The following CDAN1 variants were observed in gnomAD, a reference collection of about 807,000 sequenced individuals.
The protein encoded by CDAN1 is codanin-1.
Under a neutral mutation model 139.8 loss-of-function variants are expected in CDAN1, and 107 were observed. That is an observed-to-expected ratio of 0.77 (90% CI 0.65 to 0.90). The LOEUF (loss-of-function observed/expected upper bound fraction) is 0.90, where lower values mean the gene tolerates loss of function less well. Among genes scored for constraint, CDAN1 ranks in the 40% least tolerant of loss-of-function variants. CDAN1 has a pLI of 0.00. For missense variants in CDAN1, 1,667 were observed against 1,575.7 expected (o/e 1.06, Z -0.98); for synonymous variants, 776 against 660.6 (o/e 1.17, Z -2.68).
At chr15:42,734,424 G>C in intron 6 of CDAN1, 78 bp from the exon 7 acceptor site, 1 of 1,572,986 alleles carries the variant, frequency 6.4e-7, no homozygotes, top group Non-Finnish European at 8.7e-7. Context: ...ACACCACAGA[G>C]GATCTCTAAG....
In CDAN1 at chr15:42,735,144, G is replaced by A. The variant is rs543848693; in HGVS notation, c.1092C>T (p.His364=). 1.9e-5 allele frequency: 30 copies of A among 1,613,914 alleles called. No individual in the cohort carries two copies. Among genetic ancestry groups the A allele is most frequent in the East Asian group, 4.5e-5 (2 of 44,872 alleles). Residue 364 remains histidine (H), a synonymous_variant, in exon 6 of 28, where the codon CAC becomes CAT. Transcript: ENST00000356231. The stretch of plus-strand genomic sequence containing the variant: ...CCTGCACTGCAAAGAAGACACAATC[G>A]TGGATGCTTTGGAACAGTGGACTTT... The part of the protein sequence containing the change: ...SLESPLFQSI[H]DCVFFAVQVL...
chr15:42,725,762 G>A (rs771302774), intron 25 of CDAN1, 92 bp from the exon 26 acceptor site: 10 of 1,350,462 alleles, frequency 7.4e-6, no homozygotes, highest in Admixed American at 1.9e-5. Flanking sequence ...GGAGGCTGAG[G>A]TGGGCAGATC....
chr15:42,725,796 A>C (rs1332854920), intron 25 of CDAN1, 126 bp from the exon 26 acceptor site: 3 of 932,122 alleles, frequency 3.2e-6, no homozygotes, highest in Non-Finnish European at 4.9e-6. Context: ...CAGTCTGGCC[A>C]ACATAGTGAA....
In CDAN1 at chr15:42,729,476, A is replaced by G. The variant is rs992215691; in HGVS notation, c.2407+92T>C. The G allele has an allele frequency of 5.6e-6, 9 of 1,600,470 alleles. No homozygotes were observed. The African/African-American group carries it at 1.2e-4, about 21-fold the overall frequency. ...GATACCCAGGAATGACTATGAACGGAGCAATATCCAAGGGAGCTGGGCCAA... is the reference window on the plus strand; with the variant it reads ...GATACCCAGGAATGACTATGAACGGGGCAATATCCAAGGGAGCTGGGCCAA... On this transcript the variant is annotated intron_variant, in intron 17 of 27. Transcript: ENST00000356231.
At position 42,736,098 on chromosome 15, in the gene CDAN1, GTTTT is replaced by G; in HGVS notation, c.570-24_570-21del. ...TTCGTCCTGCTGAGAGTAGCCACAG[GTTTT>G]TCTCAAATTCCTATCTTCAAACATC... On this transcript the variant is annotated intron_variant, in intron 2 of 27. Transcript: ENST00000356231. The G allele has an allele frequency of 6.2e-7, 1 of 1,613,200 alleles. No individual in the cohort carries two copies.
chr15:42,730,537 G>T, intron 14 of CDAN1, 61 bp downstream of exon 14: 1 of 1,585,456 alleles, frequency 6.3e-7, no homozygotes, highest in South Asian at 1.1e-5. Flanking sequence ...ATTAATAGCA[G>T]GCTTGACCAA....
At chr15:42,733,884 A>G (rs969393175) in intron 8 of CDAN1, 54 bp downstream of exon 8, 25 of 1,316,212 alleles carry the variant, frequency 1.9e-5, no homozygotes, top group Non-Finnish European at 2.5e-5. Flanking sequence ...ACAGCTGCCT[A>G]TTCCAGAAAA....
At position 42,730,659 on chromosome 15, in the gene CDAN1, G is replaced by A. The variant is rs2061598693; in HGVS notation, c.2113C>T (p.His705Tyr). ...TAATATTCCAGCAAGGGAACAACAT[G>A]GTCAGCAAAGGAGAGAAACTCCACC... Reference protein sequence around the residue: ...WLVEFLSFADHVVPLLEYYRD... With the variant: ...WLVEFLSFADYVVPLLEYYRD... Residue 705 changes from histidine (H) to tyrosine (Y), a missense_variant, in exon 14 of 28, where the codon CAT becomes TAT. Around this residue, in one of 3 missense-constraint regions of CDAN1, gnomAD observed 936 missense variants for 844.1 expected, o/e 1.11. Transcript: ENST00000356231. 1 of 1,614,158 alleles carries A rather than the reference G, an allele frequency of 6.2e-7. No homozygotes were observed. Among genetic ancestry groups the A allele is most frequent in the East Asian group, 2.2e-5 (1 of 44,884 alleles).
In CDAN1 at chr15:42,728,733, C is replaced by T. The variant is rs772114815; in HGVS notation, c.2723G>A (p.Gly908Glu). The change falls in exon 20 of 28, where the codon GGG (glycine) becomes GAG (glutamate). Residue 908 changes from glycine (G) to glutamate (E), a missense_variant. Physicochemically the swap from Gly to Glu is moderately conservative, Grantham distance 98 (BLOSUM62 -2). Around this residue, in one of 3 missense-constraint regions of CDAN1, gnomAD observed 936 missense variants for 844.1 expected, o/e 1.11. Coordinates refer to ENST00000356231, the MANE Select transcript of CDAN1 (RefSeq NM_138477.4). ...QEQLVTQGEE[G>E]GDPAQLLEIL... ...CTCCAACAGCTGGGCTGGGTCTCCC[C>T]CTTCCTCTCCCTGTGTCACCAGCTG... 2.6e-5 allele frequency: 42 copies of T among 1,614,098 alleles called. No individual in the cohort carries two copies. The highest frequency in any genetic ancestry group is 3.3e-5 in the Non-Finnish European group (39 of 1,180,052).
At chr15:42,733,013 C>CGGGG in intron 9 of CDAN1, 84 bp downstream of exon 9, 1 of 1,079,742 alleles carries the variant, frequency 9.3e-7, no homozygotes, top group Non-Finnish European at 1.4e-6. Flanking sequence ...CGGGGAAAAC[C>CGGGG]TTCCCTCCTC....
chr15:42,727,813 C>T (rs765345774), intron 22 of CDAN1, 44 bp from the exon 23 acceptor site: 1 of 1,612,166 alleles, frequency 6.2e-7, no homozygotes, highest in South Asian at 1.1e-5. Context: ...CGGGAGGGCC[C>T]TGCACAGGTT....
Position 42,724,449 on chromosome 15 carries a change from A to G in CDAN1, c.*42T>C, listed in dbSNP as rs1281234307. The stretch of plus-strand genomic sequence containing the variant: ...GGGCCTCCTCGTGAGGCGGGGGTCC[A>G]GGGTTCTGGTGCAATGCCCAAGGCA... On this transcript the variant is annotated 3_prime_UTR_variant, in exon 28 of 28. Transcript: ENST00000356231. 2 of 1,564,106 alleles carry G rather than the reference A, an allele frequency of 1.3e-6. No individual in the cohort carries two copies. The highest frequency in any genetic ancestry group is 8.7e-7 in the Non-Finnish European group (1 of 1,154,064).
In CDAN1 at chr15:42,735,511, A is replaced by G. The variant is rs550223257; in HGVS notation, c.942T>C (p.Ala314=). 79 of 1,614,204 alleles carry G rather than the reference A, an allele frequency of 4.9e-5. No individual in the cohort carries two copies. In the East Asian group the frequency reaches 1.6e-3, roughly 33 times the overall value. Reference sequence around the variant, plus strand: ...CCCGCTCCCTCCGCTCTCACTCACCAGCAATGCACGAGGAGTAAACAAGGG... The same window carrying G: ...CCCGCTCCCTCCGCTCTCACTCACCGGCAATGCACGAGGAGTAAACAAGGG... The part of the protein sequence containing the change: ...LVALVYSSCI[A]ENLVPNLFLE... Residue 314 remains alanine (A), a splice_region_variant and synonymous_variant, in exon 4 of 28, where the codon GCT becomes GCC. Transcript: ENST00000356231.
In CDAN1 at chr15:42,735,580, T is replaced by G. The variant is rs1462578991; in HGVS notation, c.873A>C (p.Ala291=). 6.2e-7 allele frequency: 1 copy of G among 1,614,230 alleles called. No individual in the cohort carries two copies. ...SRTGSLTDEP[A]DPARVSSRQR... is the part of the protein sequence containing the mutation. ...GGCGGGAAGACACTCTGGCAGGGTCTGCAGGTTCATCTGTGAGGCTTCCTG... is the reference window on the plus strand; with the variant it reads ...GGCGGGAAGACACTCTGGCAGGGTCGGCAGGTTCATCTGTGAGGCTTCCTG... Residue 291 remains alanine, a synonymous_variant, in exon 4 of 28, where the codon GCA becomes GCC. Transcript: ENST00000356231.
In CDAN1 at chr15:42,731,304, G is replaced by C; in HGVS notation, c.1767C>G (p.Asp589Glu). Residue 589 changes from aspartate to glutamate, a missense_variant, in exon 12 of 28, where the codon GAC (aspartate) becomes GAG (glutamate). Asp to Glu is a conservative substitution (Grantham distance 45). Around this residue, in one of 3 missense-constraint regions of CDAN1, gnomAD observed 936 missense variants for 844.1 expected, o/e 1.11. Coordinates refer to ENST00000356231, the MANE Select transcript of CDAN1 (RefSeq NM_138477.4). ...SSFQFNQHLM[D>E]SLSLKIQELN... ...GCTCCTGGATCTTCAAGCTCAGACT[G>C]TCCATGAGATGCTGGTTAAACTGGA... 1.2e-6 allele frequency: 2 copies of C among 1,614,100 alleles called. No homozygotes were observed. Among genetic ancestry groups the C allele is most frequent in the Non-Finnish European group, 1.7e-6 (2 of 1,180,022 alleles).
Position 42,728,882 on chromosome 15 carries a change from T to A in CDAN1, c.2646-72A>T, listed in dbSNP as rs1356111385. On this transcript the variant is annotated intron_variant, in intron 19 of 27. Transcript: ENST00000356231. ...AAAGAGGCTGAAAATTTATGGGAAT[T>A]TGGTCAGAAATTTGCTTCAAAATGT... 1.9e-6 allele frequency: 3 copies of A among 1,607,430 alleles called. No individual in the cohort carries two copies. In the African/African-American group the frequency reaches 4.0e-5, roughly 21 times the overall value.
At position 42,733,148 on chromosome 15, in the gene CDAN1, T is replaced by G. The variant is rs1323285022; in HGVS notation, c.1406A>C (p.His469Pro). The change falls in exon 9 of 28, where the codon CAC (histidine) becomes CCC (proline). Residue 469 changes from histidine to proline, a missense_variant. Coordinates refer to ENST00000356231, the MANE Select transcript of CDAN1 (RefSeq NM_138477.4). The stretch of plus-strand genomic sequence containing the variant: ...AAAATCCCAGCCAGGCTCCTCATGG[T>G]GATCTTCCCACTCTCGCAGCACCTC... ...FYEVLREWED[H>P]HEEPGWDFEK... 6 of 1,613,978 alleles carry G rather than the reference T, an allele frequency of 3.7e-6. No individual in the cohort carries two copies.
At position 42,732,359 on chromosome 15, in the gene CDAN1, G is replaced by T. The variant is rs748862062; in HGVS notation, c.1507C>A (p.Arg503=). The T allele has an allele frequency of 6.8e-6, 11 of 1,613,890 alleles. No individual in the cohort carries two copies. Among genetic ancestry groups the T allele is most frequent in the Non-Finnish European group, 9.3e-6 (11 of 1,179,974 alleles). ...TGGAGTAGTTGTTTTTGGAAAAGCCGAACAAAGTGGCTGTGGCTGCAGGCT... is the reference window on the plus strand; with the variant it reads ...TGGAGTAGTTGTTTTTGGAAAAGCCTAACAAAGTGGCTGTGGCTGCAGGCT... ...SAACSHSHFV[R]LFQKQLLQMC... Residue 503 remains arginine, a synonymous_variant, in exon 10 of 28, where the codon CGG becomes AGG. Coordinates refer to ENST00000356231, the MANE Select transcript of CDAN1 (RefSeq NM_138477.4).
intron 8 of CDAN1, 80 bp downstream of exon 8, chr15:42,733,858 A>AT: frequency 9.0e-7 from 1 of 1,116,440 alleles, no homozygotes; most frequent in Non-Finnish European, 1.4e-6. Context: ...CAAACTCCTA[A>AT]TTTCTATGAA....
Sources: allele counts gnomAD v4.1 joint callset, GRCh38; gene constraint gnomAD v4.1.1; regional missense constraint gnomAD v4.1.1; transcripts MANE v1.5; gene names NCBI Gene and HGNC (gene_info 2026-07-23, HGNC 2026-07-21).